EIF5A: variants seen among roughly 807,000 people sequenced by gnomAD.
EIF5A encodes the protein eukaryotic translation initiation factor 5A-1.
EIF5A carries 1 observed loss-of-function variant against 16.6 expected under a neutral mutation model. The ratio of observed to expected loss-of-function variants is 0.06; its 90% CI spans 0.02 to 0.28. The LOEUF is 0.28. Among genes scored for constraint, EIF5A ranks in the 10% least tolerant of loss-of-function variants. The pLI, the probability that EIF5A is intolerant of heterozygous loss-of-function variation, is 1.00. For missense variants in EIF5A, 29 were observed against 196.1 expected (o/e 0.15, Z 5.09); for synonymous variants, 80 against 73.6 (o/e 1.09, Z -0.44).
intron 2 of EIF5A, 155 bp downstream of exon 2, chr17:7,309,955 AACT>A (rs1375750247): frequency 6.5e-7 from 1 of 1,548,856 alleles, no homozygotes; most frequent in South Asian, 1.2e-5. Flanking sequence ...CCATTCAGAC[AACT>A]ACACCTGCTC....
chr17:7,310,672 C>G, intron 2 of EIF5A: 4 of 985,406 alleles, frequency 4.1e-6, no homozygotes, highest in African/African-American at 1.7e-5. Flanking sequence ...TTTCTCAGCT[C>G]CTTCTCCTGG....
rs762069660 is a variant in EIF5A, at chr17:7,309,957, C to A, written c.165+157C>A. The A allele has an allele frequency of 2.6e-5, 40 of 1,546,474 alleles. No individual in the cohort carries two copies. The African/African-American group carries it at 5.2e-4, about 20-fold the overall frequency. ...TCAGCCTTCATACCCATTCAGACAACTACACCTGCTCCCCAGTCTTCAGCC... is the reference window on the plus strand; with the variant it reads ...TCAGCCTTCATACCCATTCAGACAAATACACCTGCTCCCCAGTCTTCAGCC... On this transcript the variant is annotated intron_variant, in intron 2 of 5. Transcript: ENST00000336458.
chr17:7,308,434 AT>A, intron 1 of EIF5A: 1 of 1,323,408 alleles, frequency 7.6e-7, no homozygotes, highest in Admixed American at 2.1e-5. Flanking sequence ...GGGGCCTGAG[AT>A]TTTGAGGAGT....
At chr17:7,309,252 T>C (rs1030720465) in intron 1 of EIF5A, among the ~76,000 whole-genome samples, 2 of 150,130 alleles carry the variant, frequency 1.3e-5, no homozygotes, top group African/African-American at 4.8e-5. Context: ...CCTGGCTATA[T>C]GTGGGGAAGA....
chr17:7,311,155 C>T lies in EIF5A; in HGVS notation c.270+33C>T, dbSNP rs374143829. 4.9e-5 allele frequency: 79 copies of T among 1,607,778 alleles called. No individual in the cohort carries two copies. The African/African-American group carries it at 5.9e-4, about 12-fold the overall frequency. ...GATGGTCTGGATGAGGATGGGTTAG[C>T]GGTTTATGGTGGAGGGAGGGGTTGG... On this transcript the variant is annotated intron_variant, in intron 3 of 5. Transcript: ENST00000336458.
In EIF5A at chr17:7,308,537, C is replaced by T. The variant is rs1301133167; in HGVS notation, c.-22+785C>T. ...AACCTCAAGGGCCCCAGGAGCTTTC[C>T]TGAAAAACCCTCCTGTGAAGTGTGG... On this transcript the variant is annotated intron_variant, in intron 1 of 5. Transcript: ENST00000336458. The T allele has an allele frequency of 5.2e-6, 7 of 1,351,698 alleles. 1 individual carries two copies. The South Asian group carries it at 5.7e-5, about 11-fold the overall frequency. The allele number at this position is 1,351,698 out of a possible 1,614,324, so 83.7% of individuals were successfully genotyped here.
intron 2 of EIF5A, chr17:7,310,488 A>T: frequency 8.6e-7 from 1 of 1,169,536 alleles, no homozygotes; most frequent in East Asian, 6.4e-5. Flanking sequence ...CCATCTTTTG[A>T]CTTGACATTG....
Position 7,307,631 on chromosome 17 carries a change from C to CTT in EIF5A, c.-142_-141insTT. On this transcript the variant is annotated 5_prime_UTR_variant, in exon 1 of 6. Coordinates refer to ENST00000336458, the MANE Select transcript of EIF5A (RefSeq NM_001970.5). ...TCAGTGGGGAGTCGGCGCCTGCGTACTAAGACCCGTGTGCAGCAGCGGCGG... is the reference window on the plus strand; with the variant it reads ...TCAGTGGGGAGTCGGCGCCTGCGTACTTTAAGACCCGTGTGCAGCAGCGGCGG... 4 of 1,037,690 alleles carry CTT rather than the reference C, an allele frequency of 3.9e-6. No individual in the cohort carries two copies. The South Asian group carries it at 1.2e-4, about 32-fold the overall frequency. The allele number at this position is 1,037,690 out of a possible 1,614,324, so 64.3% of individuals were successfully genotyped here. A position where few individuals can be genotyped will look rare whatever the true frequency, so the allele number is the denominator to read the frequency against.
chr17:7,309,929 C>T (rs778736862), intron 2 of EIF5A, 129 bp downstream of exon 2: 4 of 1,582,318 alleles, frequency 2.5e-6, no homozygotes, highest in Non-Finnish European at 3.4e-6. Flanking sequence ...TTTTGTTTAG[C>T]GCTCAGCCTT....
intron 2 of EIF5A, chr17:7,310,305 C>G (rs1484504026): frequency 1.6e-6 from 2 of 1,280,572 alleles, no homozygotes; most frequent in South Asian, 2.5e-5. Flanking sequence ...TCAAACTGCC[C>G]CTACCTGCCC....
At chr17:7,307,203 G>A (rs938115440), upstream of EIF5A, 136 of 1,427,612 alleles carry the variant, frequency 9.5e-5, no homozygotes, top group Middle Eastern at 1.8e-4. Context: ...TAGCGGCGTG[G>A]TCTTTTCAAC....
chr17:7,311,510 C>T (rs551402102), intron 4 of EIF5A, 29 bp downstream of exon 4: 26 of 1,614,140 alleles, frequency 1.6e-5, no homozygotes, highest in Middle Eastern at 3.3e-4. Context: ...TGCTTCTGTG[C>T]TCAGCTTTGT....
intron 2 of EIF5A, 78 bp downstream of exon 2, chr17:7,309,878 G>T (rs765686790): frequency 6.2e-7 from 1 of 1,613,790 alleles, no homozygotes; most frequent in South Asian, 1.1e-5. Context: ...GCTGCCAACA[G>T]TGCTGACTTT....
intron 1 of EIF5A, chr17:7,307,980 C>T: frequency 2.0e-6 from 2 of 984,632 alleles, no homozygotes; most frequent in Non-Finnish European, 1.2e-6. Context: ...GGGCGGGGGA[C>T]GGCGAGCCGC....
Position 7,311,828 on chromosome 17 carries a change from G to T in EIF5A, c.*18G>T. The T allele has an allele frequency of 1.1e-6, 1 of 880,488 alleles. No homozygotes were observed. Among genetic ancestry groups the T allele is most frequent in the East Asian group, 2.7e-5 (1 of 37,512 alleles). The allele number at this position is 880,488 out of a possible 1,614,324, so 54.5% of individuals were successfully genotyped here. On this transcript the variant is annotated 3_prime_UTR_variant, in exon 6 of 6. Coordinates refer to ENST00000336458, the MANE Select transcript of EIF5A (RefSeq NM_001970.5). ...ATTTCTCTCTCCTACCTAGGGTGGCGGTGGTGGCAGCAGTGATCCTCTGAA... is the reference window on the plus strand; with the variant it reads ...ATTTCTCTCTCCTACCTAGGGTGGCTGTGGTGGCAGCAGTGATCCTCTGAA...
chr17:7,311,700 A>C, intron 5 of EIF5A, 49 bp downstream of exon 5: 1 of 1,609,930 alleles, frequency 6.2e-7, no homozygotes, highest in Non-Finnish European at 8.5e-7. Context: ...TGTTGTCCTC[A>C]GCAGAGCTGC....
rs2072667103 is a variant in EIF5A at position 7,307,718 on chromosome 17, G to C, written c.-56G>C. On this transcript the variant is annotated 5_prime_UTR_variant, in exon 1 of 6. Coordinates refer to ENST00000336458, the MANE Select transcript of EIF5A (RefSeq NM_001970.5). ...CGGAGGCAGCGGTTGGGCTCGCGGC[G>C]AGCGGACGGGGTCGAGTCAGTGCGT... 9.6e-7 allele frequency: 1 copy of C among 1,041,584 alleles called. No homozygotes were observed. Among genetic ancestry groups the C allele is most frequent in the Non-Finnish European group, 1.2e-6 (1 of 867,462 alleles). The allele number at this position is 1,041,584 out of a possible 1,614,324, so 64.5% of individuals were successfully genotyped here.
At position 7,311,344 on chromosome 17, in the gene EIF5A, C is replaced by T; in HGVS notation, c.271-6C>T. 2 of 1,614,020 alleles carry T rather than the reference C, an allele frequency of 1.2e-6. No individual in the cohort carries two copies. Among genetic ancestry groups the T allele is most frequent in the Non-Finnish European group, 1.7e-6 (2 of 1,179,954 alleles). On this transcript the variant is annotated splice_region_variant and splice_polypyrimidine_tract_variant and intron_variant, in intron 3 of 5. Transcript: ENST00000336458. ...ACCTTCAGCCTCCTTCCCTATCTGC[C>T]CCCAGCTGATTGGCATCCAGGATGG... is the stretch of plus-strand genomic sequence containing the variant.
chr17:7,307,145 G>A (rs1485524671), upstream of EIF5A: 3 of 1,566,144 alleles, frequency 1.9e-6, no homozygotes, highest in Admixed American at 1.9e-5. Flanking sequence ...TTAAAGCCGA[G>A]GTGGGGCGTA....
Sources: gnomAD v4.1 joint callset for allele counts (sites outside exome capture counted in the v4.1 genomes callset) on GRCh38, gnomAD v4.1.1 for gene constraint, MANE v1.5 for transcripts, NCBI Gene and HGNC (gene_info 2026-07-23, HGNC 2026-07-21) for gene names.